The following GSDME variants were observed in gnomAD, a reference collection of about 807,000 sequenced individuals.
The protein encoded by GSDME is gasdermin-E.
Under a neutral mutation model 47.5 loss-of-function variants are expected in GSDME, and 44 were observed. That is an observed-to-expected ratio of 0.93 (90% CI 0.73 to 1.19). The LOEUF (loss-of-function observed/expected upper bound fraction) is 1.19, where lower values mean the gene tolerates loss of function less well. GSDME is among the 50% of genes most tolerant of loss of function. The pLI, the probability that GSDME is intolerant of heterozygous loss-of-function variation, is 0.00. For synonymous variants in GSDME, 258 were observed against 252.8 expected (o/e 1.02, Z -0.20); for missense variants, 663 against 604.2 (o/e 1.10, Z -1.02).
At chr7:24,701,576 T>C (rs1788872161) in intron 9 of GSDME, among the ~76,000 whole-genome samples, 1 of 152,192 alleles carries the variant, frequency 6.6e-6, no homozygotes, top group Non-Finnish European at 1.5e-5. Context: ...ACTTAGTAAA[T>C]GCTGAGCACT....
Position 24,736,244 on chromosome 7 carries a change from C to CA in GSDME, c.404+8317dup, listed in dbSNP as rs1451956561. On this transcript the variant is annotated intron_variant, in intron 3 of 9. Coordinates refer to ENST00000645220, the MANE Select transcript of GSDME (RefSeq NM_001127453.2). This position sits in a 1 kb window ranked among gnomAD's most constrained non-coding sequence, Gnocchi z 4.6. ...CACTGGCTAAATGGATTAAAAACAACAAAAAAAGACCAAATGATCTGTTGC... is the reference window on the plus strand; with the variant it reads ...CACTGGCTAAATGGATTAAAAACAACAAAAAAAAGACCAAATGATCTGTTGC... 7.2e-5 allele frequency among the ~76,000 whole-genome samples: 11 copies of CA among 151,774 alleles called. No individual in the cohort carries two copies. Among genetic ancestry groups the CA allele is most frequent in the East Asian group, 3.9e-4 (2 of 5,180 alleles).
At chr7:24,764,448 A>G in the GSDME span, among the ~76,000 whole-genome samples, 1 of 152,236 alleles carries the variant, frequency 6.6e-6, no homozygotes, top group Admixed American at 6.5e-5. The surrounding 1 kb of genome is among the most constrained non-coding windows in gnomAD (Gnocchi z 4.4). Context: ...CTGTCATTTC[A>G]TTCTGAGGCT....
At chr7:24,715,237 A>G (rs1386966514) in intron 5 of GSDME, among the ~76,000 whole-genome samples, 1 of 152,162 alleles carries the variant, frequency 6.6e-6, no homozygotes, top group Non-Finnish European at 1.5e-5. Context: ...AAAGCATGCA[A>G]ACCTCCAGTT....
At chr7:24,711,371 C>T (rs536108101) in intron 5 of GSDME, among the ~76,000 whole-genome samples, 2 of 152,168 alleles carry the variant, frequency 1.3e-5, no homozygotes, top group East Asian at 3.9e-4. Flanking sequence ...ATTACAGGCA[C>T]CTGCCACCAC....
chr7:24,718,407 A>G (rs145457163), intron 4 of GSDME, among the ~76,000 whole-genome samples: 10 of 152,370 alleles, frequency 6.6e-5, no homozygotes, highest in East Asian at 1.9e-4. Flanking sequence ...AAGACTGTCA[A>G]TAACTTAATC....
the GSDME span, among the ~76,000 whole-genome samples, chr7:24,764,140 T>C: frequency 6.6e-6 from 1 of 152,242 alleles, no homozygotes; most frequent in Non-Finnish European, 1.5e-5. The surrounding 1 kb of genome is among the most constrained non-coding windows in gnomAD (Gnocchi z 4.4). Context: ...GTGTACACAC[T>C]TGTTGTTTGG....
At chr7:24,765,158 C>G in the GSDME span, among the ~76,000 whole-genome samples, 2 of 152,178 alleles carry the variant, frequency 1.3e-5, no homozygotes, top group Non-Finnish European at 2.9e-5. Context: ...GACCTCCTCT[C>G]TAGGAATGAT....
the GSDME span, among the ~76,000 whole-genome samples, chr7:24,792,203 G>C: frequency 1.3e-5 from 2 of 152,216 alleles, no homozygotes; most frequent in African/African-American, 4.8e-5. Context: ...GTCAAAGTTT[G>C]TTTTAAGCCT....
At chr7:24,771,117 A>G in the GSDME span, among the ~76,000 whole-genome samples, 1 of 152,238 alleles carries the variant, frequency 6.6e-6, no homozygotes, top group African/African-American at 2.4e-5. The surrounding 1 kb of genome is among the most constrained non-coding windows in gnomAD (Gnocchi z 4.1). Context: ...AACTTCAGAA[A>G]GCCAAAGATA....
In GSDME at chr7:24,736,367, T is replaced by C. The variant is rs949152523; in HGVS notation, c.404+8195A>G. Among the ~76,000 whole-genome samples, 3 of 151,136 alleles carry C rather than the reference T, an allele frequency of 2.0e-5. No homozygotes were observed. Among genetic ancestry groups the C allele is most frequent in the African/African-American group, 7.3e-5 (3 of 41,068 alleles). On this transcript the variant is annotated intron_variant, in intron 3 of 9. Coordinates refer to ENST00000645220, the MANE Select transcript of GSDME (RefSeq NM_001127453.2). This position sits in a 1 kb window ranked among gnomAD's most constrained non-coding sequence, Gnocchi z 4.6. Reference sequence around the variant, plus strand: ...ATCACAGGCAAAAAAACAGCAGGAGTAACTATATTTATGTCAGACAAAATC... The same window carrying C: ...ATCACAGGCAAAAAAACAGCAGGAGCAACTATATTTATGTCAGACAAAATC...
At chr7:24,785,341 T>C in the GSDME span, among the ~76,000 whole-genome samples, 1 of 152,226 alleles carries the variant, frequency 6.6e-6, no homozygotes, top group African/African-American at 2.4e-5. Context: ...AATGTGCTAA[T>C]AGCATAGTTC....
chr7:24,790,394 A>G, the GSDME span, among the ~76,000 whole-genome samples: 1 of 152,160 alleles, frequency 6.6e-6, no homozygotes, highest in Non-Finnish European at 1.5e-5. This position sits in a 1 kb window ranked among gnomAD's most constrained non-coding sequence, Gnocchi z 4.1. Context: ...CAACTTTCCA[A>G]TTACCTATAG....
rs764724618 is a variant in GSDME at position 24,699,168 on chromosome 7, C to T, written c.1349G>A (p.Arg450His). ...ACTAATGTCAGCTGAGGCAAACAAG[C>T]GCTGCACAATCCCAAACCTTTCTGT... ...KDTERFGIVQ[R>H]LFASADISLE... The change falls in exon 10 of 10, where the codon CGC becomes CAC. Residue 450 changes from arginine (R) to histidine (H), a missense_variant. By Grantham distance (29) the Arg-to-His change is conservative (BLOSUM62 0). Coordinates refer to ENST00000645220, the MANE Select transcript of GSDME (RefSeq NM_001127453.2). 1.1e-5 allele frequency: 17 copies of T among 1,614,018 alleles called. No individual in the cohort carries two copies. In the East Asian group the frequency reaches 1.3e-4, roughly 13 times the overall value.
rs746542506 is a variant in GSDME at position 24,744,848 on chromosome 7, G to A, written c.212-94C>T. 58 of 1,392,682 alleles carry A rather than the reference G, an allele frequency of 4.2e-5. 3 individuals are homozygous for A. Among genetic ancestry groups the A allele is most frequent in the South Asian group, 3.4e-4 (28 of 82,062 alleles). The allele number at this position is 1,392,682 out of a possible 1,614,324, so 86.3% of individuals were successfully genotyped here. A position where few individuals can be genotyped will look rare whatever the true frequency, so the allele number is the denominator to read the frequency against. ...GCTTTCCAAGCCTGTGCAGAGCCCC[G>A]GAAAGCAGAAGGCTGGCACTCAGAT... On this transcript the variant is annotated intron_variant, in intron 2 of 9. Coordinates refer to ENST00000645220, the MANE Select transcript of GSDME (RefSeq NM_001127453.2). This position sits in a 1 kb window ranked among gnomAD's most constrained non-coding sequence, Gnocchi z 4.5.
At chr7:24,793,296 C>T in the GSDME span, among the ~76,000 whole-genome samples, 5 of 152,048 alleles carry the variant, frequency 3.3e-5, no homozygotes, top group African/African-American at 7.2e-5. Context: ...AAGAAAAACC[C>T]GTGGTGTTTT....
chr7:24,782,205 A>T, the GSDME span, among the ~76,000 whole-genome samples: 996 of 138,394 alleles, frequency 7.2e-3, 9 homozygotes, highest in African/African-American at 0.024. Context: ...TCCTAATGCT[A>T]TCCCTCCCCC....
the GSDME span, among the ~76,000 whole-genome samples, chr7:24,771,368 A>G: frequency 6.6e-6 from 1 of 152,190 alleles, no homozygotes; most frequent in African/African-American, 2.4e-5. This position sits in a 1 kb window ranked among gnomAD's most constrained non-coding sequence, Gnocchi z 4.1. Flanking sequence ...CAGCATTTAT[A>G]TTACATTGTA....
At position 24,699,302 on chromosome 7, in the gene GSDME, A is replaced by T. The variant is rs754303104; in HGVS notation, c.1258-43T>A. The T allele has an allele frequency of 5.5e-6, 8 of 1,458,948 alleles. No individual in the cohort carries two copies. In the East Asian group the frequency reaches 6.8e-5, roughly 12 times the overall value. The allele number at this position is 1,458,948 out of a possible 1,614,324, so 90.4% of individuals were successfully genotyped here. A position where few individuals can be genotyped will look rare whatever the true frequency, so the allele number is the denominator to read the frequency against. The stretch of plus-strand genomic sequence containing the variant: ...AACAAATTCACTTTTAAAATGTCCT[A>T]AAAAATCCACATTGGATAGTAATGC... On this transcript the variant is annotated intron_variant, in intron 9 of 9. Transcript: ENST00000645220.
At chr7:24,792,345 T>A in the GSDME span, among the ~76,000 whole-genome samples, 5 of 152,182 alleles carry the variant, frequency 3.3e-5, no homozygotes, top group East Asian at 7.7e-4. Context: ...AAGCTGTATA[T>A]TGGGGGGCAA....
Sources: allele counts gnomAD v4.1 joint callset (sites outside exome capture counted in the v4.1 genomes callset), GRCh38; gene constraint gnomAD v4.1.1; non-coding constraint Gnocchi (gnomAD v3.1); transcripts MANE v1.5; gene names NCBI Gene and HGNC (gene_info 2026-07-23, HGNC 2026-07-21).